The following THSD7A variants were observed in gnomAD, a reference collection of about 807,000 sequenced individuals.
The protein encoded by THSD7A is thrombospondin type-1 domain-containing protein 7A.
Under a neutral mutation model 231.3 loss-of-function variants are expected in THSD7A, and 96 were observed. That is an observed-to-expected ratio of 0.41 (90% confidence interval 0.35 to 0.49). The LOEUF is 0.49. THSD7A is among the 20% of genes least tolerant of loss of function. The probability of loss-of-function intolerance (pLI) is 0.05; values close to 1 mark genes in which losing one functional copy is unlikely to be tolerated. For synonymous variants in THSD7A, 940 were observed against 743.3 expected, an observed-to-expected ratio of 1.26 and a Z score of -4.30; for missense variants, 2,290 against 2,070.2, an observed-to-expected ratio of 1.11 and a Z score of -2.06.
rs1784974638 is a variant in THSD7A at position 11,446,441 on chromosome 7, A to T, written c.2801-117T>A. On this transcript the variant is annotated intron_variant, in intron 12 of 27. Transcript: ENST00000423059. This position sits in a 1 kb window ranked among gnomAD's most constrained non-coding sequence, Gnocchi z 4.0. ...TTCTTCATTTTTAACCATATTTAAC[A>T]GTAGCCTATAAATCAATGCTATTTT... The T allele has an allele frequency of 4.3e-6, 5 of 1,163,264 alleles. No homozygotes were observed. Among genetic ancestry groups the T allele is most frequent in the Non-Finnish European group, 6.0e-6 (5 of 827,554 alleles). The allele number at this position is 1,163,264 out of a possible 1,614,324, so 72.1% of individuals were successfully genotyped here.
intron 19 of THSD7A, chr7:11,410,463 T>C (rs1783745023): frequency 6.6e-6 from 1 of 152,210 alleles, no homozygotes; most frequent in South Asian, 2.1e-4. Flanking sequence ...AGGCTCCTAC[T>C]TATCTTGGTT....
At chr7:11,483,622 C>T (rs117482363) in intron 6 of THSD7A, among the ~76,000 whole-genome samples, 1,923 of 152,138 alleles carry the variant, frequency 0.013, 22 homozygotes, top group Non-Finnish European at 0.02. Context: ...TAATATTTTA[C>T]ACTTGACATA....
intron 1 of THSD7A, among the ~76,000 whole-genome samples, chr7:11,653,226 G>T (rs1008743887): frequency 6.6e-6 from 1 of 151,238 alleles, no homozygotes; most frequent in South Asian, 2.1e-4. Context: ...TTATTATTTT[G>T]CTGATTCAAA....
Position 11,831,877 on chromosome 7 carries a change from G to A in THSD7A, c.70C>T (p.Gln24Ter). The A allele has an allele frequency of 7.9e-7, 1 of 1,267,304 alleles. No individual in the cohort carries two copies. The highest frequency in any genetic ancestry group is 9.9e-7 in the Non-Finnish European group (1 of 1,010,704). 78.5% of individuals were successfully genotyped at this position (1,267,304 alleles called of 1,614,324 possible). A position where few individuals can be genotyped will look rare whatever the true frequency, so the allele number is the denominator to read the frequency against. The change falls in exon 1 of 28, where the codon CAG (glutamine) becomes TAG (stop). Residue 24 changes from glutamine (Q) to a stop codon, truncating the protein, a stop_gained. Coordinates refer to ENST00000423059, the MANE Select transcript of THSD7A (RefSeq NM_015204.3). LOFTEE classifies it high-confidence loss of function. This position sits in a 1 kb window ranked among gnomAD's most constrained non-coding sequence, Gnocchi z 5.0. ...GAAGPRRGVL[Q>*]LLPLPLPLPL... ...AGCGGCAGCGGCAGCGGCAGCAGCT[G>A]CAGGACGCCCCGGCGCGGCCCCGCA...
At chr7:11,769,122 A>AATATATATATATATATAT (rs1219135740) in intron 1 of THSD7A, among the ~76,000 whole-genome samples, 1 of 35,894 alleles carries the variant, frequency 2.8e-5, no homozygotes, top group African/African-American at 1.0e-4. Flanking sequence ...AATTCCTGGC[A>AATATATATATATATATAT]ATATATATAT....
intron 1 of THSD7A, among the ~76,000 whole-genome samples, chr7:11,664,263 C>T (rs372921537): frequency 6.6e-6 from 1 of 151,782 alleles, no homozygotes; most frequent in East Asian, 1.9e-4. Flanking sequence ...TATGTTGTCC[C>T]TGCTTACAGC....
At chr7:11,558,953 C>G (rs374298225) in intron 4 of THSD7A, among the ~76,000 whole-genome samples, 9 of 149,028 alleles carry the variant, frequency 6.0e-5, no homozygotes, top group African/African-American at 2.0e-4. Context: ...AGAAGCTTCT[C>G]GAGTGCGTTA....
At chr7:11,655,318 G>T (rs1006643651) in intron 1 of THSD7A, among the ~76,000 whole-genome samples, 24 of 151,862 alleles carry the variant, frequency 1.6e-4, no homozygotes, top group Non-Finnish European at 2.9e-4. Context: ...ACTGAAAGAT[G>T]TTTTTTCAGG....
intron 22 of THSD7A, among the ~76,000 whole-genome samples, chr7:11,403,892 CAT>C (rs1164542186): frequency 2.0e-5 from 3 of 152,132 alleles, no homozygotes; most frequent in Admixed American, 1.3e-4. Flanking sequence ...CAATTAAACA[CAT>C]GAGATGTATT....
intron 1 of THSD7A, among the ~76,000 whole-genome samples, chr7:11,792,966 G>A (rs2128178582): frequency 6.6e-6 from 1 of 152,028 alleles, no homozygotes; most frequent in East Asian, 1.9e-4. Context: ...ATATCCCATA[G>A]CATTATGACT....
intron 1 of THSD7A, among the ~76,000 whole-genome samples, chr7:11,653,672 T>A (rs1030110075): frequency 3.3e-5 from 5 of 151,838 alleles, no homozygotes; most frequent in African/African-American, 1.2e-4. Context: ...CAGTTATGCT[T>A]TTGAGTAGGC....
At chr7:11,499,206 C>A (rs1395291862) in intron 6 of THSD7A, among the ~76,000 whole-genome samples, 3 of 152,208 alleles carry the variant, frequency 2.0e-5, no homozygotes, top group Non-Finnish European at 4.4e-5. Flanking sequence ...CCCTTCATGG[C>A]TTGTCACCAG....
At chr7:11,784,659 T>C (rs542258787) in intron 1 of THSD7A, among the ~76,000 whole-genome samples, 179 of 152,250 alleles carry the variant, frequency 1.2e-3, no homozygotes, top group African/African-American at 4.2e-3. Flanking sequence ...TCTGTTCTCA[T>C]ATTTAATTTC....
intron 1 of THSD7A, among the ~76,000 whole-genome samples, chr7:11,799,795 T>C (rs1784227301): frequency 6.6e-6 from 1 of 152,180 alleles, no homozygotes; most frequent in South Asian, 2.1e-4. Context: ...TGGCACAATA[T>C]AGGAAGAATT....
intron 1 of THSD7A, among the ~76,000 whole-genome samples, chr7:11,755,437 T>C (rs1228908145): frequency 1.3e-5 from 2 of 152,030 alleles, no homozygotes; most frequent in African/African-American, 4.8e-5. Flanking sequence ...TCCTCCATGA[T>C]TGGACACTAC....
At chr7:11,738,603 G>T (rs191662686) in intron 1 of THSD7A, among the ~76,000 whole-genome samples, 1 of 152,044 alleles carries the variant, frequency 6.6e-6, no homozygotes, top group Non-Finnish European at 1.5e-5. Context: ...CTCTAAACTG[G>T]TGAAACTTGT....
intron 11 of THSD7A, among the ~76,000 whole-genome samples, chr7:11,457,396 C>G (rs1193912790): frequency 6.6e-6 from 1 of 151,992 alleles, no homozygotes; most frequent in Non-Finnish European, 1.5e-5. Context: ...AACTTTGACT[C>G]TTTTATTTTT....
In THSD7A at chr7:11,832,139, T is replaced by TGCCGCCGCC. The variant is rs971336482; in HGVS notation, c.-202_-194dup. 4.2e-5 allele frequency: 14 copies of TGCCGCCGCC among 332,352 alleles called. 1 individual carries two copies. The South Asian group carries it at 1.2e-3, about 28-fold the overall frequency. The allele number at this position is 332,352 out of a possible 1,614,324, so 20.6% of individuals were successfully genotyped here. A position where few individuals can be genotyped will look rare whatever the true frequency, so the allele number is the denominator to read the frequency against. On this transcript the variant is annotated 5_prime_UTR_variant, in exon 1 of 28. Coordinates refer to ENST00000423059, the MANE Select transcript of THSD7A (RefSeq NM_015204.3). ...CGTCCGCGGTGGTGGCCGTGGCCGC[T>TGCCGCCGCC]GCCGCCGCCGCCGCCGCCTCTGGCG...
intron 1 of THSD7A, among the ~76,000 whole-genome samples, chr7:11,684,412 A>T (rs1221233479): frequency 6.6e-6 from 1 of 151,206 alleles, no homozygotes; most frequent in East Asian, 2.0e-4. Flanking sequence ...AAAAAAAGAC[A>T]TTGAAATAGA....
Sources: allele counts gnomAD v4.1 joint callset (sites outside exome capture counted in the v4.1 genomes callset), GRCh38; gene constraint gnomAD v4.1.1; non-coding constraint Gnocchi (gnomAD v3.1); transcripts MANE v1.5; gene names NCBI Gene and HGNC (gene_info 2026-07-23, HGNC 2026-07-21).